Variants in FAM81A observed in about 807,000 individuals in gnomAD.
FAM81A encodes the protein family with sequence similarity 81 member A.
Under a neutral mutation model 46.7 loss-of-function variants are expected in FAM81A, and 19 were observed. That is an observed-to-expected ratio of 0.41 (90% CI 0.28 to 0.60). FAM81A has a LOEUF of 0.60. Among genes scored for constraint, FAM81A ranks in the 20% least tolerant of loss-of-function variants. The pLI is 0.34. For missense variants in FAM81A, 377 were observed against 453.5 expected (o/e 0.83, Z 1.53); for synonymous variants, 183 against 152.9 (o/e 1.20, Z -1.45).
At chr15:59,506,599 T>C (rs141358569) in intron 4 of FAM81A, among the ~76,000 whole-genome samples, 11 of 152,330 alleles carry the variant, frequency 7.2e-5, no homozygotes, top group African/African-American at 2.6e-4. Flanking sequence ...TAAACTCTTA[T>C]GGGTCCATTC....
At chr15:59,519,974 T>C (rs766982964) in intron 8 of FAM81A, among the ~76,000 whole-genome samples, 1 of 152,204 alleles carries the variant, frequency 6.6e-6, no homozygotes, top group Non-Finnish European at 1.5e-5. Context: ...TAAATTTCTT[T>C]AGTAACCTCT....
At chr15:59,510,255 A>C (rs1283507085) in intron 6 of FAM81A, among the ~76,000 whole-genome samples, 2 of 151,708 alleles carry the variant, frequency 1.3e-5, no homozygotes, top group Non-Finnish European at 2.9e-5. Flanking sequence ...AATCCCAGCT[A>C]CTCGGGAGGG....
intron 2 of FAM81A, among the ~76,000 whole-genome samples, chr15:59,412,729 AGGTGTT>A (rs2081127589): frequency 6.7e-6 from 1 of 148,894 alleles, no homozygotes; most frequent in African/African-American, 2.5e-5. Context: ...AAAAAAAAAA[AGGTGTT>A]ACGGTGTTAC....
intron 4 of FAM81A, among the ~76,000 whole-genome samples, chr15:59,499,387 T>C (rs1369225628): frequency 6.6e-6 from 1 of 152,220 alleles, no homozygotes; most frequent in Admixed American, 6.5e-5. Context: ...TATGTAACAA[T>C]ACAATTGTAT....
At chr15:59,501,506 C>T (rs1242388114) in intron 4 of FAM81A, among the ~76,000 whole-genome samples, 2 of 151,898 alleles carry the variant, frequency 1.3e-5, no homozygotes, top group African/African-American at 4.8e-5. Context: ...ACAAAAATTA[C>T]AATAATATGG....
At chr15:59,483,097 G>A (rs2081874345) in intron 3 of FAM81A, among the ~76,000 whole-genome samples, 1 of 151,970 alleles carries the variant, frequency 6.6e-6, no homozygotes, top group South Asian at 2.1e-4. Context: ...GAGTGCAGTG[G>A]CACAATCTCG....
intron 3 of FAM81A, among the ~76,000 whole-genome samples, chr15:59,479,631 G>A (rs2081823841): frequency 6.6e-6 from 1 of 151,132 alleles, no homozygotes; most frequent in African/African-American, 2.4e-5. Context: ...TGAGGGAGGA[G>A]ACACCCAGGG....
chr15:59,498,981 T>A (rs2082062916), intron 4 of FAM81A, among the ~76,000 whole-genome samples: 1 of 152,200 alleles, frequency 6.6e-6, no homozygotes, highest in Admixed American at 6.5e-5. Context: ...AATGTGGATT[T>A]TTTTGTATAT....
intron 3 of FAM81A, among the ~76,000 whole-genome samples, chr15:59,465,483 G>A (rs1476129862): frequency 6.6e-6 from 1 of 152,146 alleles, no homozygotes; most frequent in Non-Finnish European, 1.5e-5. Flanking sequence ...ATGTTGGCTA[G>A]GCTGGTCTCC....
chr15:59,504,863 C>A (rs1188748759), intron 4 of FAM81A, among the ~76,000 whole-genome samples: 7 of 152,090 alleles, frequency 4.6e-5, no homozygotes, highest in Non-Finnish European at 8.8e-5. Flanking sequence ...TAGGTTACTT[C>A]TCTTTAGTCT....
At chr15:59,443,614 G>A (rs1172491851) in intron 1 of FAM81A, among the ~76,000 whole-genome samples, 4 of 152,100 alleles carry the variant, frequency 2.6e-5, no homozygotes, top group Non-Finnish European at 5.9e-5. Context: ...CCCTTTCAGT[G>A]CATTCCTTGA....
intron 1 of FAM81A, among the ~76,000 whole-genome samples, chr15:59,450,103 C>CTTTTTTTT (rs56862038): frequency 4.0e-5 from 5 of 126,286 alleles, no homozygotes; most frequent in African/African-American, 9.2e-5. Context: ...TTCTTTCTTT[C>CTTTTTTTT]TTTTTTTTTT....
chr15:59,415,882 T>A (rs1397587542), intron 2 of FAM81A, among the ~76,000 whole-genome samples: 3 of 152,236 alleles, frequency 2.0e-5, no homozygotes, highest in African/African-American at 7.2e-5. Flanking sequence ...TGATTTGTTG[T>A]TAAGCAGAAA....
chr15:59,426,021 C>T lies in FAM81A; in HGVS notation c.-78+23663C>T, dbSNP rs552923946. ...AATATATTTGGAACAATTTGCTATG[C>T]AGTCAATGAGTTTATGTTCTTTTGA... On this transcript the variant is annotated intron_variant, in intron 2 of 4. Coordinates refer to the FAM81A transcript ENST00000558348. Among the ~76,000 whole-genome samples, 5 of 152,272 alleles carry T rather than the reference C, an allele frequency of 3.3e-5. No individual in the cohort carries two copies. In the South Asian group the frequency reaches 8.3e-4, roughly 25 times the overall value.
chr15:59,428,621 CTTTTTTTTTT>C (rs1206186244), intron 2 of FAM81A, among the ~76,000 whole-genome samples: 6 of 70,286 alleles, frequency 8.5e-5, no homozygotes, highest in East Asian at 2.9e-4. Context: ...ATGTCTACTC[CTTTTTTTTTT>C]TTTTTTTTTT....
chr15:59,413,204 C>G (rs1371142443), intron 2 of FAM81A, among the ~76,000 whole-genome samples: 1 of 152,048 alleles, frequency 6.6e-6, no homozygotes, highest in African/African-American at 2.4e-5. Flanking sequence ...TGGCTTACTA[C>G]TGGCTAATTT....
At chr15:59,463,300 G>C (rs140848850) in intron 3 of FAM81A, among the ~76,000 whole-genome samples, 1 of 151,932 alleles carries the variant, frequency 6.6e-6, no homozygotes, top group East Asian at 1.9e-4. Context: ...AAAATATAAC[G>C]GTTTATTTCT....
chr15:59,422,634 G>A (rs975263594), intron 2 of FAM81A, among the ~76,000 whole-genome samples: 3 of 151,922 alleles, frequency 2.0e-5, no homozygotes, highest in Non-Finnish European at 2.9e-5. Flanking sequence ...CTGCCACCAC[G>A]CTCAGCTAAT....
intron 3 of FAM81A, among the ~76,000 whole-genome samples, chr15:59,468,660 C>G (rs1308265296): frequency 7.0e-6 from 1 of 142,822 alleles, no homozygotes; most frequent in Non-Finnish European, 1.5e-5. Context: ...AAAAAAAAAC[C>G]CAGCTCCTGG....
Sources: allele counts gnomAD v4.1 joint callset (sites outside exome capture counted in the v4.1 genomes callset), GRCh38; gene constraint gnomAD v4.1.1; transcripts MANE v1.5; gene names NCBI Gene and HGNC (gene_info 2026-07-23, HGNC 2026-07-21).